The following CTNND2 variants were observed in gnomAD, a reference collection of about 807,000 sequenced individuals.
CTNND2 encodes the protein catenin delta 2, also known as catenin delta-2.
Under a neutral mutation model 144.4 loss-of-function variants are expected in CTNND2, and 22 were observed. The observed-to-expected ratio is 0.15, with a 90% CI of 0.11 to 0.22. The LOEUF is 0.22. Ranked by LOEUF, CTNND2 falls within the 10% of genes least tolerant of loss-of-function variation. The pLI, the probability that CTNND2 is intolerant of heterozygous loss-of-function variation, is 1.00. For missense variants in CTNND2, 1,353 were observed against 1,618.8 expected, an observed-to-expected ratio of 0.84 and a Z score of 2.82; for synonymous variants, 751 against 695.6, an observed-to-expected ratio of 1.08 and a Z score of -1.25.
At chr5:10,990,790 C>T (rs910084860) in intron 19 of CTNND2, among the ~76,000 whole-genome samples, 5 of 152,170 alleles carry the variant, frequency 3.3e-5, no homozygotes, top group African/African-American at 1.2e-4. Context: ...GGATGTGCCT[C>T]GCCTAGGAAG....
chr5:11,751,440 C>G (rs1788612914), intron 1 of CTNND2, among the ~76,000 whole-genome samples: 1 of 151,710 alleles, frequency 6.6e-6, no homozygotes. Context: ...TTTGTGTCCA[C>G]ATGTACTCAA....
intron 2 of CTNND2, among the ~76,000 whole-genome samples, chr5:11,641,264 TCAGA>T (rs1421105113): frequency 6.6e-6 from 1 of 152,068 alleles, no homozygotes; most frequent in Non-Finnish European, 1.5e-5. Context: ...TTTAACTCTC[TCAGA>T]CATTCTGCTT....
intron 3 of CTNND2, among the ~76,000 whole-genome samples, 159 bp from the exon 4 acceptor site, chr5:11,412,228 T>G (rs1402781889): frequency 1.3e-5 from 2 of 152,188 alleles, no homozygotes; most frequent in Non-Finnish European, 2.9e-5. Flanking sequence ...TGATATAATT[T>G]TAATTTTAAT....
intron 1 of CTNND2, among the ~76,000 whole-genome samples, chr5:11,768,619 A>T (rs1789737691): frequency 6.6e-6 from 1 of 152,198 alleles, no homozygotes; most frequent in South Asian, 2.1e-4. Context: ...CATCTGAGAC[A>T]CTAAGAGACA....
At chr5:11,752,949 G>A (rs1788710419) in intron 1 of CTNND2, among the ~76,000 whole-genome samples, 1 of 151,762 alleles carries the variant, frequency 6.6e-6, no homozygotes, top group South Asian at 2.1e-4. Flanking sequence ...TATTGTGAAT[G>A]GGGTTGGTTT....
At chr5:11,715,625 G>A (rs1412302093) in intron 2 of CTNND2, among the ~76,000 whole-genome samples, 2 of 152,154 alleles carry the variant, frequency 1.3e-5, no homozygotes, top group African/African-American at 4.8e-5. Flanking sequence ...CTTGCCAGGA[G>A]TCAATATTCT....
chr5:11,211,058 A>G (rs963692256), intron 10 of CTNND2, among the ~76,000 whole-genome samples: 2 of 152,232 alleles, frequency 1.3e-5, no homozygotes, highest in Non-Finnish European at 2.9e-5. Context: ...TAAACGGACA[A>G]GTTTTAGGTC....
At chr5:11,377,468 A>T (rs1234093762) in intron 7 of CTNND2, among the ~76,000 whole-genome samples, 1 of 152,140 alleles carries the variant, frequency 6.6e-6, no homozygotes, top group Non-Finnish European at 1.5e-5. Context: ...TGCCATCTTG[A>T]ACAATTATCT....
intron 3 of CTNND2, among the ~76,000 whole-genome samples, chr5:11,478,699 G>C (rs986189178): frequency 1.3e-5 from 2 of 152,142 alleles, no homozygotes; most frequent in Non-Finnish European, 2.9e-5. Flanking sequence ...TTTTATTTCA[G>C]TCTTGTGAAA....
chr5:11,809,085 T>G (rs1269392541), intron 1 of CTNND2, among the ~76,000 whole-genome samples: 3 of 152,184 alleles, frequency 2.0e-5, no homozygotes, highest in Non-Finnish European at 4.4e-5. Flanking sequence ...AAATTCTAAA[T>G]GTACAAAATG....
At chr5:11,255,654 G>A (rs1561103047) in intron 9 of CTNND2, among the ~76,000 whole-genome samples, 2 of 152,056 alleles carry the variant, frequency 1.3e-5, no homozygotes, top group Admixed American at 6.5e-5. Context: ...GCACAGGCAC[G>A]GTTATCATGG....
chr5:11,855,937 A>G (rs530043597), intron 1 of CTNND2, among the ~76,000 whole-genome samples: 1 of 152,336 alleles, frequency 6.6e-6, no homozygotes, highest in Non-Finnish European at 1.5e-5. Flanking sequence ...TTGACTCTTC[A>G]CTGCTTTATC....
At chr5:11,463,545 A>C (rs1452307142) in intron 3 of CTNND2, among the ~76,000 whole-genome samples, 1 of 152,166 alleles carries the variant, frequency 6.6e-6, no homozygotes, top group East Asian at 1.9e-4. Flanking sequence ...TTAGAGAGGA[A>C]AATGCTGCCT....
intron 12 of CTNND2, among the ~76,000 whole-genome samples, chr5:11,126,528 G>A (rs916955399): frequency 2.0e-5 from 3 of 152,216 alleles, no homozygotes; most frequent in Non-Finnish European, 4.4e-5. Context: ...TCTTCCATAC[G>A]CAATGCTAAG....
chr5:11,845,640 C>T (rs1157840168), intron 1 of CTNND2, among the ~76,000 whole-genome samples: 6 of 152,212 alleles, frequency 3.9e-5, no homozygotes, highest in African/African-American at 1.4e-4. Context: ...TGGTCTTTGA[C>T]TTCCATCTCC....
chr5:11,653,571 T>C (rs1782758453), intron 2 of CTNND2, among the ~76,000 whole-genome samples: 1 of 152,272 alleles, frequency 6.6e-6, no homozygotes, highest in Admixed American at 6.5e-5. Context: ...TGGTCATTTT[T>C]AAATTGGGTT....
Position 11,487,010 on chromosome 5 carries a change from A to G in CTNND2, c.288-74941T>C, listed in dbSNP as rs548958272. Among the ~76,000 whole-genome samples, 5 of 152,298 alleles carry G rather than the reference A, an allele frequency of 3.3e-5. No homozygotes were observed. The South Asian group carries it at 1.0e-3, about 32-fold the overall frequency. ...TATTTTAATGTCTGTACTTATGTTCACATAAAATGATGTTTTACCTGGTTC... is the reference window on the plus strand; with the variant it reads ...TATTTTAATGTCTGTACTTATGTTCGCATAAAATGATGTTTTACCTGGTTC... On this transcript the variant is annotated intron_variant, in intron 3 of 21. Coordinates refer to ENST00000304623, the MANE Select transcript of CTNND2 (RefSeq NM_001332.4).
At chr5:11,621,525 T>A (rs762720371) in intron 2 of CTNND2, among the ~76,000 whole-genome samples, 161 of 152,156 alleles carry the variant, frequency 1.1e-3, no homozygotes, top group Admixed American at 4.6e-4. Context: ...ATCGTGTAAA[T>A]GGCATGCATT....
intron 3 of CTNND2, among the ~76,000 whole-genome samples, chr5:11,493,623 T>C (rs1171297536): frequency 6.6e-6 from 1 of 152,234 alleles, no homozygotes; most frequent in East Asian, 1.9e-4. Context: ...TCATGTATAC[T>C]GGGCTGTGAT....
Sources: gnomAD v4.1 joint callset for allele counts (sites outside exome capture counted in the v4.1 genomes callset) on GRCh38, gnomAD v4.1.1 for gene constraint, MANE v1.5 for transcripts, NCBI Gene and HGNC (gene_info 2026-07-23, HGNC 2026-07-21) for gene names.